The following GABRB3 variants were observed in gnomAD, a reference collection of about 807,000 sequenced individuals.
GABRB3 encodes the protein gamma-aminobutyric acid receptor subunit beta-3.
GABRB3 carries 14 observed loss-of-function variants against 52.1 expected under a neutral mutation model. That is an observed-to-expected ratio of 0.27 (90% CI 0.18 to 0.42). The LOEUF is 0.42. GABRB3 is among the 10% of genes least tolerant of loss of function. The probability of loss-of-function intolerance (pLI) is 1.00; values close to 1 mark genes in which losing one functional copy is unlikely to be tolerated. For missense variants in GABRB3, 307 were observed against 609.1 expected (o/e 0.50, Z 5.22); for synonymous variants, 260 against 232.3 (o/e 1.12, Z -1.08).
intron 8 of GABRB3, among the ~76,000 whole-genome samples, chr15:26,554,037 T>TATATATATATATA (rs59100810): frequency 0.082 from 4,758 of 58,162 alleles, 935 homozygotes; most frequent in Non-Finnish European, 0.1. Flanking sequence ...ATATATATAT[T>TATATATATATATA]TATTTATTTA....
chr15:26,689,854 C>T (rs752414), intron 3 of GABRB3, among the ~76,000 whole-genome samples: 27,976 of 152,066 alleles, frequency 0.18, 2,689 homozygotes, highest in Middle Eastern at 0.27. Context: ...TAATCATGGT[C>T]AGCAAGGGAG....
In GABRB3 at chr15:26,772,734, G is replaced by T. The variant is rs1178513934; in HGVS notation, c.119C>A (p.Thr40Lys). ...DPGNMSFVKETVDKLLKGYDI... is the reference protein window; with the variant it reads ...DPGNMSFVKEKVDKLLKGYDI... ...GTAGCCTTTCAACAGCTTGTCCACCGTCTCCTTCACAAAGGACATGTTCCC... is the reference window on the plus strand; with the variant it reads ...GTAGCCTTTCAACAGCTTGTCCACCTTCTCCTTCACAAAGGACATGTTCCC... Residue 40 changes from threonine (T) to lysine (K), a missense_variant, in exon 2 of 9, where the codon ACG becomes AAG. This residue lies in a region of GABRB3 where 90 missense variants were observed against 86.4 expected (regional missense o/e 1.04). Coordinates refer to ENST00000311550, the MANE Select transcript of GABRB3 (RefSeq NM_000814.6). 1.3e-6 allele frequency: 2 copies of T among 1,573,992 alleles called. No homozygotes were observed. The highest frequency in any genetic ancestry group is 1.8e-5 in the Admixed American group (1 of 56,620).
chr15:26,693,884 T>C (rs1368972300), intron 3 of GABRB3, among the ~76,000 whole-genome samples: 1 of 152,136 alleles, frequency 6.6e-6, no homozygotes, highest in Non-Finnish European at 1.5e-5. Context: ...TTCCCACCAA[T>C]AGGCCCATCA....
chr15:26,714,151 A>G (rs916557614), intron 3 of GABRB3, among the ~76,000 whole-genome samples: 7 of 152,160 alleles, frequency 4.6e-5, no homozygotes, highest in Non-Finnish European at 1.0e-4. Flanking sequence ...CAAATCACCT[A>G]TTTTCCCTAA....
intron 8 of GABRB3, among the ~76,000 whole-genome samples, chr15:26,554,959 C>G (rs899179656): frequency 6.6e-6 from 1 of 152,112 alleles, no homozygotes; most frequent in Non-Finnish European, 1.5e-5. Flanking sequence ...GCGGGCGGAT[C>G]ACGAGGTCAG....
intron 3 of GABRB3, among the ~76,000 whole-genome samples, chr15:26,662,426 G>A (rs551741136): frequency 5.3e-5 from 8 of 152,096 alleles, no homozygotes; most frequent in Non-Finnish European, 7.3e-5. Context: ...TCCCTCACTG[G>A]ATTACGCTGC....
intron 4 of GABRB3, among the ~76,000 whole-genome samples, chr15:26,609,239 A>C (rs942993847): frequency 1.1e-4 from 17 of 152,120 alleles, no homozygotes; most frequent in African/African-American, 4.1e-4. Flanking sequence ...CCAGTCACAG[A>C]AAGAAATACC....
intron 3 of GABRB3, among the ~76,000 whole-genome samples, chr15:26,705,973 C>CT (rs1377336208): frequency 6.6e-6 from 1 of 152,160 alleles, no homozygotes; most frequent in Non-Finnish European, 1.5e-5. Context: ...TTCCAGGATC[C>CT]ACCGAAGCCC....
chr15:26,758,826 G>T (rs1890732477), intron 3 of GABRB3, among the ~76,000 whole-genome samples: 1 of 152,152 alleles, frequency 6.6e-6, no homozygotes, highest in Non-Finnish European at 1.5e-5. Context: ...CACCATTGTA[G>T]ACAAATTATG....
chr15:26,720,752 G>A (rs1426801626), intron 3 of GABRB3, among the ~76,000 whole-genome samples: 1 of 152,110 alleles, frequency 6.6e-6, no homozygotes, highest in Non-Finnish European at 1.5e-5. Context: ...CAAAAGGGAG[G>A]AAGATTCCTC....
intron 4 of GABRB3, among the ~76,000 whole-genome samples, chr15:26,602,164 A>AAGG (rs1161062553): frequency 6.6e-6 from 1 of 152,190 alleles, no homozygotes; most frequent in Non-Finnish European, 1.5e-5. Context: ...AGAGACAAAG[A>AAGG]AGGTCACTAT....
chr15:26,675,432 T>C (rs1168797254), intron 3 of GABRB3, among the ~76,000 whole-genome samples: 1 of 152,088 alleles, frequency 6.6e-6, no homozygotes, highest in Non-Finnish European at 1.5e-5. Context: ...CTTGTGTGTC[T>C]GTGTGTGTGC....
chr15:26,608,099 T>C (rs1891910018), intron 4 of GABRB3, among the ~76,000 whole-genome samples: 1 of 131,334 alleles, frequency 7.6e-6, no homozygotes, highest in Non-Finnish European at 1.6e-5. Flanking sequence ...AGCATGGTAC[T>C]GGCAAAAAAA....
intron 8 of GABRB3, among the ~76,000 whole-genome samples, chr15:26,560,496 G>A (rs1239888397): frequency 6.6e-6 from 1 of 152,186 alleles, no homozygotes; most frequent in African/African-American, 2.4e-5. Flanking sequence ...GATAGACGCT[G>A]TTTTAAGGGG....
chr15:26,729,273 G>A (rs1276390250), intron 3 of GABRB3, among the ~76,000 whole-genome samples: 4 of 151,980 alleles, frequency 2.6e-5, no homozygotes, highest in African/African-American at 7.3e-5. Flanking sequence ...ACTGGCCCTC[G>A]GGAGTGACAT....
chr15:26,567,493 G>A, intron 7 of GABRB3, 88 bp downstream of exon 7: 1 of 1,298,168 alleles, frequency 7.7e-7, no homozygotes, highest in South Asian at 1.2e-5. Context: ...GTCAAAAAAT[G>A]GTAGTTGAAC....
At chr15:26,590,079 G>A in intron 4 of GABRB3, 1 of 152,052 alleles carries the variant, frequency 6.6e-6, no homozygotes, top group East Asian at 1.9e-4. Context: ...CTATTTTTAT[G>A]GTCAAGTGGT....
intron 3 of GABRB3, among the ~76,000 whole-genome samples, chr15:26,691,814 C>A (rs1338879190): frequency 1.3e-5 from 2 of 152,132 alleles, no homozygotes; most frequent in Non-Finnish European, 2.9e-5. Flanking sequence ...GCTAGTAACT[C>A]AATAATCTGC....
chr15:26,766,312 T>C (rs1245212188), intron 3 of GABRB3, among the ~76,000 whole-genome samples: 1 of 152,216 alleles, frequency 6.6e-6, no homozygotes, highest in Non-Finnish European at 1.5e-5. Flanking sequence ...TCACCCATAT[T>C]AGATTCTGAA....
Sources: allele counts gnomAD v4.1 joint callset (sites outside exome capture counted in the v4.1 genomes callset), GRCh38; gene constraint gnomAD v4.1.1; regional missense constraint gnomAD v4.1.1; transcripts MANE v1.5; gene names NCBI Gene and HGNC (gene_info 2026-07-23, HGNC 2026-07-21).